The following TBC1D5 variants were observed in gnomAD, a reference collection of about 807,000 sequenced individuals.
TBC1D5 encodes TBC1 domain family, member 5.
Under a neutral mutation model 100.3 loss-of-function variants are expected in TBC1D5, and 75 were observed. The observed-to-expected ratio is 0.75, with a 90% CI of 0.62 to 0.91. The LOEUF (loss-of-function observed/expected upper bound fraction) is 0.91, where lower values mean the gene tolerates loss of function less well. Among genes scored for constraint, TBC1D5 ranks in the 40% least tolerant of loss-of-function variants. TBC1D5 has a pLI of 0.00. For missense variants in TBC1D5, 910 were observed against 942.4 expected (o/e 0.97, Z 0.45); for synonymous variants, 323 against 325.6 (o/e 0.99, Z 0.09).
intron 2 of TBC1D5, among the ~76,000 whole-genome samples, chr3:17,560,746 T>C (rs2153473860): frequency 6.6e-6 from 1 of 151,168 alleles, no homozygotes; most frequent in South Asian, 2.1e-4. Flanking sequence ...CATGGTGAAA[T>C]CCCATCTCTA....
chr3:17,238,193 A>C, exon 17 of TBC1D5: 1 of 1,613,824 alleles, frequency 6.2e-7, no homozygotes, highest in Non-Finnish European at 8.5e-7. Flanking sequence ...ATGCTTTCTG[A>C]TTTCATCAGC....
At chr3:17,443,207 T>C (rs764320233) in intron 3 of TBC1D5, among the ~76,000 whole-genome samples, 1 of 152,218 alleles carries the variant, frequency 6.6e-6, no homozygotes, top group Non-Finnish European at 1.5e-5. Context: ...ATTTTTTATC[T>C]GTGGAATATG....
exon 17 of TBC1D5, chr3:17,238,244 C>A: frequency 1.2e-6 from 2 of 1,613,964 alleles, no homozygotes; most frequent in Non-Finnish European, 1.7e-6. Context: ...TGGCTTGGGG[C>A]CTCTGCTGAG....
intron 1 of TBC1D5, among the ~76,000 whole-genome samples, chr3:17,664,684 A>C (rs2067039713): frequency 6.6e-6 from 1 of 152,202 alleles, no homozygotes; most frequent in African/African-American, 2.4e-5. Context: ...CTCAAAACAA[A>C]GCAAACACAT....
At chr3:17,730,925 A>G (rs2076500165) in intron 1 of TBC1D5, among the ~76,000 whole-genome samples, 1 of 152,172 alleles carries the variant, frequency 6.6e-6, no homozygotes, top group South Asian at 2.1e-4. Flanking sequence ...AATAAATATT[A>G]TAATTCATAA....
chr3:17,531,481 C>G (rs2096224322), intron 2 of TBC1D5, among the ~76,000 whole-genome samples: 1 of 152,174 alleles, frequency 6.6e-6, no homozygotes, highest in Non-Finnish European at 1.5e-5. Context: ...TTGGAAAAAA[C>G]TACTTTAAAG....
intron 1 of TBC1D5, among the ~76,000 whole-genome samples, chr3:17,710,550 G>A (rs2074611322): frequency 1.3e-5 from 2 of 150,666 alleles, no homozygotes; most frequent in African/African-American, 4.9e-5. Flanking sequence ...GGCAACAAGA[G>A]CAAAACTCCA....
intron 1 of TBC1D5, among the ~76,000 whole-genome samples, chr3:17,717,485 C>G (rs1244853070): frequency 6.6e-6 from 1 of 152,128 alleles, no homozygotes; most frequent in African/African-American, 2.4e-5. Flanking sequence ...ACATTTCTTA[C>G]CAAAACAAAG....
chr3:17,523,071 C>T lies in TBC1D5; in HGVS notation c.-35-14466G>A, dbSNP rs117820717. Among the ~76,000 whole-genome samples the T allele has an allele frequency of 1.4e-4, 20 of 142,956 alleles. No homozygotes were observed. The East Asian group carries it at 3.7e-3, about 26-fold the overall frequency. 93.8% of individuals were successfully genotyped at this position (142,956 alleles called of 152,430 possible). A position where few individuals can be genotyped will look rare whatever the true frequency, so the allele number is the denominator to read the frequency against. ...TATTTCACTTAATGCTTACTAAATG[C>T]TAGACACTGTGTTTTATGTGTATTA... On this transcript the variant is annotated intron_variant, in intron 2 of 21. Coordinates refer to ENST00000253692, the Ensembl canonical transcript of TBC1D5.
At chr3:17,615,629 C>G (rs1045468812) in intron 2 of TBC1D5, among the ~76,000 whole-genome samples, 1 of 152,058 alleles carries the variant, frequency 6.6e-6, no homozygotes, top group African/African-American at 2.4e-5. Flanking sequence ...GTGTATGTGT[C>G]CAGGAATTCA....
intron 1 of TBC1D5, among the ~76,000 whole-genome samples, chr3:17,705,590 C>CTGCAATCTCGGCACTTTGGGAG (rs1223489667): frequency 7.4e-6 from 1 of 135,238 alleles, no homozygotes; most frequent in African/African-American, 2.7e-5. Flanking sequence ...CGGGCAGAGG[C>CTGCAATCTCGGCACTTTGGGAG]GCTCCTCACA....
At chr3:17,603,282 G>A (rs1440961242) in intron 2 of TBC1D5, among the ~76,000 whole-genome samples, 1 of 151,616 alleles carries the variant, frequency 6.6e-6, no homozygotes, top group Non-Finnish European at 1.5e-5. Flanking sequence ...TGAGACAGGA[G>A]TTTGGCAGGA....
chr3:17,716,680 G>C (rs1445627231), intron 1 of TBC1D5, among the ~76,000 whole-genome samples: 1 of 151,994 alleles, frequency 6.6e-6, no homozygotes, highest in East Asian at 1.9e-4. Context: ...AACTATTATA[G>C]TACTTCTCAA....
chr3:17,618,587 C>A (rs566689687), intron 2 of TBC1D5, among the ~76,000 whole-genome samples: 1 of 152,330 alleles, frequency 6.6e-6, no homozygotes, highest in Non-Finnish European at 1.5e-5. Flanking sequence ...GCTTTGTTTT[C>A]CTACTTAAGC....
chr3:17,496,788 A>C (rs2095712867), intron 3 of TBC1D5, among the ~76,000 whole-genome samples: 1 of 152,224 alleles, frequency 6.6e-6, no homozygotes, highest in South Asian at 2.1e-4. Flanking sequence ...ATTTTAAAAT[A>C]GCTATCATTC....
exon 22 of TBC1D5, chr3:17,157,434 A>C (rs1575649004): frequency 6.6e-6 from 1 of 152,384 alleles, no homozygotes; most frequent in African/African-American, 2.4e-5. Context: ...AGAGAGCTTT[A>C]GTAAGTAACA....
At chr3:17,348,336 T>C (rs962084132) in intron 13 of TBC1D5, among the ~76,000 whole-genome samples, 1 of 152,190 alleles carries the variant, frequency 6.6e-6, no homozygotes, top group African/African-American at 2.4e-5. Context: ...AGCAAGCGAT[T>C]CTCCATTTTT....
At chr3:17,494,673 G>A (rs1387212010) in intron 3 of TBC1D5, among the ~76,000 whole-genome samples, 5 of 152,188 alleles carry the variant, frequency 3.3e-5, no homozygotes, top group Admixed American at 6.5e-5. Flanking sequence ...TACTACAGCC[G>A]CTGTGCTGTG....
At position 17,703,861 on chromosome 3, in the gene TBC1D5, T is replaced by TA. The variant is rs1489174559; in HGVS notation, c.-101+35481dup. 2.0e-5 allele frequency among the ~76,000 whole-genome samples: 3 copies of TA among 151,936 alleles called. No individual in the cohort carries two copies. The East Asian group carries it at 5.8e-4, about 29-fold the overall frequency. On this transcript the variant is annotated intron_variant, in intron 1 of 21. Transcript: ENST00000253692. ...CCTTTTTGACTCTACAATATCTCAC[T>TA]AAAAATCATACTTAAAAAGAATGTA... is the stretch of plus-strand genomic sequence containing the variant.
Sources: gnomAD v4.1 joint callset for allele counts (sites outside exome capture counted in the v4.1 genomes callset) on GRCh38, gnomAD v4.1.1 for gene constraint, MANE v1.5 for transcripts, NCBI Gene and HGNC (gene_info 2026-07-23, HGNC 2026-07-21) for gene names.